The following SLC35F6 variants were observed in gnomAD, a reference collection of about 807,000 sequenced individuals.
SLC35F6 encodes ANT2-binding protein.
In SLC35F6, 26 loss-of-function variants were observed where a neutral mutation model predicts 29.4. That is an observed-to-expected ratio of 0.89 (90% CI 0.65 to 1.23). SLC35F6 has a LOEUF of 1.23. Ranked by LOEUF, SLC35F6 falls within the 50% of genes most tolerant of loss-of-function variation. SLC35F6 has a pLI of 0.00. For missense variants in SLC35F6, 428 were observed against 487.8 expected (o/e 0.88, Z 1.15); for synonymous variants, 174 against 206.6 (o/e 0.84, Z 1.35).
chr2:26,777,973 C>T, intron 5 of SLC35F6, 69 bp from the exon 6 acceptor site: 6 of 1,470,718 alleles, frequency 4.1e-6, no homozygotes, highest in Non-Finnish European at 5.6e-6. Flanking sequence ...TCAGAGGAGG[C>T]TAAGCCGGTG....
Position 26,765,833 on chromosome 2 carries a change from C to A in SLC35F6, c.77+1407C>A, listed in dbSNP as rs1300330929. On this transcript the variant is annotated intron_variant, in intron 1 of 5. Transcript: ENST00000344420. ...CTGTTCAGAGGCCCCAGCCTGAGGG[C>A]TCCCATCTCAGGATCTGAACACAGC... Among the ~76,000 whole-genome samples the A allele has an allele frequency of 2.6e-5, 4 of 152,206 alleles. No individual in the cohort carries two copies. The East Asian group carries it at 7.7e-4, about 29-fold the overall frequency.
intron 1 of SLC35F6, among the ~76,000 whole-genome samples, 187 bp from the exon 2 acceptor site, chr2:26,774,064 A>T (rs770624347): frequency 2.6e-5 from 4 of 152,224 alleles, no homozygotes; most frequent in Non-Finnish European, 5.9e-5. Flanking sequence ...AGAGGCACAG[A>T]CACAGTGACT....
chr2:26,771,812 A>G (rs1298269943), intron 1 of SLC35F6, among the ~76,000 whole-genome samples: 2 of 151,792 alleles, frequency 1.3e-5, no homozygotes, highest in East Asian at 3.9e-4. Flanking sequence ...TAAAAAAAAA[A>G]AGAGAAAGAA....
In SLC35F6 at chr2:26,779,790, A is replaced by G. The variant is rs1050386673; in HGVS notation, c.*1279A>G. The G allele has an allele frequency of 2.0e-5, 3 of 148,320 alleles. No homozygotes were observed. The highest frequency in any genetic ancestry group is 4.4e-5 in the Non-Finnish European group (3 of 67,652). The allele number at this position is 148,320 out of a possible 1,614,324, so 9.2% of individuals were successfully genotyped here. A position where few individuals can be genotyped will look rare whatever the true frequency, so the allele number is the denominator to read the frequency against. On this transcript the variant is annotated 3_prime_UTR_variant, in exon 6 of 6. Coordinates refer to ENST00000344420, the MANE Select transcript of SLC35F6 (RefSeq NM_017877.4). ...CTCAGCCTCCCAAAGTGCTGGGGTT[A>G]CAGGCATGAGCCACCACGCCCAGCC... is the stretch of plus-strand genomic sequence containing the variant.
At chr2:26,777,259 T>A (rs190989063) in intron 5 of SLC35F6, among the ~76,000 whole-genome samples, 51 of 152,330 alleles carry the variant, frequency 3.3e-4, no homozygotes, top group Non-Finnish European at 4.4e-5. Flanking sequence ...AGGAATTAAG[T>A]AGGTCAGGGT....
In SLC35F6 at chr2:26,764,400, C is replaced by A. The variant is rs1425402015; in HGVS notation, c.51C>A (p.Thr17=). 1 of 1,551,086 alleles carries A rather than the reference C, an allele frequency of 6.4e-7. No individual in the cohort carries two copies. Among genetic ancestry groups the A allele is most frequent in the Admixed American group, 2.0e-5 (1 of 51,008 alleles). ...TCCTGGCCGGGCTCATGCTTGTTAC[C>A]GGCTCCATCAACACGCTCTCGGCAA... The part of the protein sequence containing the change: ...QLFLAGLMLV[T]GSINTLSAKW... The change falls in exon 1 of 6, where the codon ACC becomes ACA. Residue 17 remains threonine (T), a synonymous_variant. Coordinates refer to ENST00000344420, the MANE Select transcript of SLC35F6 (RefSeq NM_017877.4).
Position 26,775,538 on chromosome 2 carries a change from G to A in SLC35F6, c.397G>A (p.Val133Met). The change falls in exon 4 of 6, where the codon GTG becomes ATG. Residue 133 changes from valine (V) to methionine (M), a missense_variant. Physicochemically the swap from Val to Met is conservative, Grantham distance 21 (BLOSUM62 1). Transcript: ENST00000344420. The surrounding 1 kb of genome is among the most constrained non-coding windows in gnomAD (Gnocchi z 4.6). Reference sequence around the variant, plus strand: ...GATCATATTCACTGGCCTGTTCTCGGTGGCCTTCCTGGGCCGGAGGCTGGT... The same window carrying A: ...GATCATATTCACTGGCCTGTTCTCGATGGCCTTCCTGGGCCGGAGGCTGGT... Reference protein sequence around the residue: ...AVIIFTGLFSVAFLGRRLVLS... With the variant: ...AVIIFTGLFSMAFLGRRLVLS... 1 of 1,610,942 alleles carries A rather than the reference G, an allele frequency of 6.2e-7. No homozygotes were observed. Among genetic ancestry groups the A allele is most frequent in the African/African-American group, 1.3e-5 (1 of 75,010 alleles).
chr2:26,764,304 CG>C lies in SLC35F6; in HGVS notation c.-42del. On this transcript the variant is annotated 5_prime_UTR_variant, in exon 1 of 6. Coordinates refer to ENST00000344420, the MANE Select transcript of SLC35F6 (RefSeq NM_017877.4). ...CGCTCGCGCAGGAGACCCCGGGTGACGGGGCCCGGCGCCGCTAACTGGAGCG... is the reference window on the plus strand; with the variant it reads ...CGCTCGCGCAGGAGACCCCGGGTGACGGGCCCGGCGCCGCTAACTGGAGCG... The C allele has an allele frequency of 6.5e-7, 1 of 1,544,474 alleles. No individual in the cohort carries two copies. The highest frequency in any genetic ancestry group is 8.7e-7 in the Non-Finnish European group (1 of 1,143,866).
At chr2:26,769,639 G>A (rs1317622065) in intron 1 of SLC35F6, among the ~76,000 whole-genome samples, 1 of 152,218 alleles carries the variant, frequency 6.6e-6, no homozygotes, top group African/African-American at 2.4e-5. Context: ...TTCTGTTTCA[G>A]CATTTTGGCT....
At chr2:26,767,888 T>C (rs549373792) in intron 1 of SLC35F6, among the ~76,000 whole-genome samples, 1 of 152,280 alleles carries the variant, frequency 6.6e-6, no homozygotes, top group South Asian at 2.1e-4. Context: ...CAGGGTCAAG[T>C]AGATGCTCAC....
In SLC35F6 at chr2:26,778,197, G is replaced by A. The variant is rs747300363; in HGVS notation, c.802G>A (p.Gly268Ser). 4 of 1,614,160 alleles carry A rather than the reference G, an allele frequency of 2.5e-6. No individual in the cohort carries two copies. Among genetic ancestry groups the A allele is most frequent in the Admixed American group, 1.7e-5 (1 of 60,006 alleles). The change falls in exon 6 of 6, where the codon GGC becomes AGC. Residue 268 changes from glycine to serine, a missense_variant. Physicochemically the swap from Gly to Ser is moderately conservative, Grantham distance 56 (BLOSUM62 0). Coordinates refer to ENST00000344420, the MANE Select transcript of SLC35F6 (RefSeq NM_017877.4). ...QQPLIAVALL[G>S]NISSIAFFNF... The stretch of plus-strand genomic sequence containing the variant: ...GCCGCTCATTGCCGTGGCACTGCTG[G>A]GCAACATCAGCAGCATTGCCTTCTT...
chr2:26,773,613 C>CTTT (rs770979613), intron 1 of SLC35F6, among the ~76,000 whole-genome samples: 1 of 138,354 alleles, frequency 7.2e-6, no homozygotes, highest in Non-Finnish European at 1.6e-5. Flanking sequence ...TATAGATATG[C>CTTT]TTTTTTTTTT....
At chr2:26,764,912 T>C (rs1664070175) in intron 1 of SLC35F6, 11 of 985,328 alleles carry the variant, frequency 1.1e-5, no homozygotes, top group Non-Finnish European at 1.3e-5. Flanking sequence ...TTAGGTGGGA[T>C]TTCGGAATGT....
intron 1 of SLC35F6, among the ~76,000 whole-genome samples, chr2:26,765,374 G>GA (rs1019525026): frequency 6.6e-4 from 3 of 4,512 alleles, no homozygotes; most frequent in African/African-American, 0.037. Flanking sequence ...TAAGGACCCA[G>GA]GCAGTCATGA....
intron 1 of SLC35F6, 128 bp from the exon 2 acceptor site, chr2:26,774,123 G>A: frequency 1.0e-6 from 1 of 977,246 alleles, no homozygotes; most frequent in Non-Finnish European, 1.6e-6. Context: ...TGACCCCTTT[G>A]AGAGGGAGCC....
At chr2:26,771,059 CG>C (rs1319960063) in intron 1 of SLC35F6, among the ~76,000 whole-genome samples, 2 of 152,236 alleles carry the variant, frequency 1.3e-5, no homozygotes, top group African/African-American at 4.8e-5. Flanking sequence ...TTTCCCCAGC[CG>C]GGAGCGCTGC....
Position 26,776,499 on chromosome 2 carries a change from G to C in SLC35F6, c.646+17G>C. ...GCACTGAGGGTGTGTGTGGGCACAG[G>C]GGCCTGGAAGGAGTGGGGTAGAAGG... On this transcript the variant is annotated intron_variant, in intron 5 of 5. Coordinates refer to ENST00000344420, the MANE Select transcript of SLC35F6 (RefSeq NM_017877.4). The C allele has an allele frequency of 6.2e-7, 1 of 1,611,058 alleles. No homozygotes were observed. The highest frequency in any genetic ancestry group is 8.5e-7 in the Non-Finnish European group (1 of 1,177,268).
chr2:26,775,578 TG>T lies in SLC35F6; in HGVS notation c.440del (p.Gly147AlafsTer3). The part of the protein sequence containing the change: ...LGRRLVLSQW[L>X]GILATIAGLV... Reference sequence around the variant, plus strand: ...CGGAGGCTGGTGCTGAGCCAGTGGCTGGGCATCCTAGCCACCATCGCGGGGC... The same window carrying T: ...CGGAGGCTGGTGCTGAGCCAGTGGCTGGCATCCTAGCCACCATCGCGGGGC... On this transcript the variant is annotated frameshift_variant, in exon 4 of 6. Coordinates refer to ENST00000344420, the MANE Select transcript of SLC35F6 (RefSeq NM_017877.4). LOFTEE classifies it high-confidence loss of function. This position sits in a 1 kb window ranked among gnomAD's most constrained non-coding sequence, Gnocchi z 4.6. 3.7e-6 allele frequency: 6 copies of T among 1,609,270 alleles called. No homozygotes were observed. The highest frequency in any genetic ancestry group is 5.1e-6 in the Non-Finnish European group (6 of 1,179,638).
chr2:26,771,134 G>C (rs2148056392), intron 1 of SLC35F6, among the ~76,000 whole-genome samples: 1 of 152,306 alleles, frequency 6.6e-6, no homozygotes, highest in East Asian at 1.9e-4. Flanking sequence ...GTGGGAGGTG[G>C]GGAGCTCAGC....
Sources: gnomAD v4.1 joint callset for allele counts (sites outside exome capture counted in the v4.1 genomes callset) on GRCh38, gnomAD v4.1.1 for gene constraint, Gnocchi (gnomAD v3.1) non-coding constraint, MANE v1.5 for transcripts, NCBI Gene and HGNC (gene_info 2026-07-23, HGNC 2026-07-21) for gene names.